The following PCSK1 variants were observed in gnomAD, a reference collection of about 807,000 sequenced individuals.
PCSK1 encodes the protein proprotein convertase subtilisin/kexin type 1.
In PCSK1, 56 loss-of-function variants were observed where a neutral mutation model predicts 90.6. That is an observed-to-expected ratio of 0.62 (90% CI 0.50 to 0.77). PCSK1 has a LOEUF of 0.77. Among genes scored for constraint, PCSK1 ranks in the 30% least tolerant of loss-of-function variants. The probability of loss-of-function intolerance (pLI) is 0.00; values close to 1 mark genes in which losing one functional copy is unlikely to be tolerated. For synonymous variants in PCSK1, 348 were observed against 342.4 expected (o/e 1.02, Z -0.18); for missense variants, 801 against 932.6 (o/e 0.86, Z 1.84).
intron 7 of PCSK1, 63 bp from the exon 8 acceptor site, chr5:96,411,049 A>C: frequency 8.7e-7 from 1 of 1,151,966 alleles, no homozygotes; most frequent in East Asian, 2.3e-5. Flanking sequence ...GTTATATCCC[A>C]ATAAAATCCC....
At chr5:96,426,267 T>G (rs1761304782) in intron 2 of PCSK1, among the ~76,000 whole-genome samples, 2 of 152,190 alleles carry the variant, frequency 1.3e-5, no homozygotes. Flanking sequence ...TATATTGAGG[T>G]TTCAGGGCTC....
rs746859308 is a variant in PCSK1, at chr5:96,397,367, A to G, written c.1691T>C (p.Ile564Thr). Residue 564 changes from isoleucine to threonine, a missense_variant, in exon 12 of 14, where the codon ATA becomes ACA. Transcript: ENST00000311106. ...MSVHTWGENPIGTWTLRITDM... is the reference protein window; with the variant it reads ...MSVHTWGENPTGTWTLRITDM... ...TGTAATTCTCAAAGTCCAAGTACCT[A>G]TAGGGTTCTCTCCCCATGTGTGAAC... is the stretch of plus-strand genomic sequence containing the variant. The G allele has an allele frequency of 1.2e-5, 20 of 1,612,770 alleles. No homozygotes were observed. Among genetic ancestry groups the G allele is most frequent in the Non-Finnish European group, 1.4e-5 (17 of 1,178,790 alleles).
Position 96,429,292 on chromosome 5 carries a change from AAGT to A in PCSK1, c.203_205del (p.Tyr68del). 4.4e-6 allele frequency: 7 copies of A among 1,590,424 alleles called. No homozygotes were observed. The highest frequency in any genetic ancestry group is 6.0e-6 in the Non-Finnish European group (7 of 1,158,676). ...TCTGGGGTGGTTTTTATGTTTGAATAAGTAGTGATTTTCAAGTGAACCAATCTA... is the reference window on the plus strand; with the variant it reads ...TCTGGGGTGGTTTTTATGTTTGAATAAGTGATTTTCAAGTGAACCAATCTA... On this transcript the variant is annotated inframe_deletion, in exon 2 of 14. Transcript: ENST00000311106.
intron 9 of PCSK1, among the ~76,000 whole-genome samples, chr5:96,407,322 A>G (rs1317966707): frequency 6.6e-6 from 1 of 152,250 alleles, no homozygotes; most frequent in Admixed American, 6.5e-5. Context: ...GCAACCCCAG[A>G]AGACAAAGAG....
intron 8 of PCSK1, among the ~76,000 whole-genome samples, chr5:96,409,389 C>T (rs754094249): frequency 1.1e-4 from 16 of 152,216 alleles, no homozygotes; most frequent in Non-Finnish European, 2.2e-4. Context: ...GCTGCGGAAG[C>T]AAGGTTGCCC....
chr5:96,422,532 G>A (rs762970493), intron 4 of PCSK1, among the ~76,000 whole-genome samples: 3 of 152,070 alleles, frequency 2.0e-5, no homozygotes, highest in Non-Finnish European at 2.9e-5. Context: ...ACACTTAAAC[G>A]CCTCCCGCAT....
chr5:96,393,435 A>G, intron 13 of PCSK1, 57 bp from the exon 14 acceptor site: 2 of 1,601,610 alleles, frequency 1.2e-6, no homozygotes, highest in Non-Finnish European at 1.7e-6. Flanking sequence ...ATGGCCAGGC[A>G]AGCTAGTTGC....
chr5:96,430,159 G>A (rs1404957571), intron 1 of PCSK1, among the ~76,000 whole-genome samples: 2 of 152,112 alleles, frequency 1.3e-5, no homozygotes, highest in Non-Finnish European at 2.9e-5. Context: ...CTACATTTAG[G>A]GCAGTTGTCC....
At chr5:96,398,850 A>G in intron 11 of PCSK1, 29 bp downstream of exon 11, 1 of 1,580,310 alleles carries the variant, frequency 6.3e-7, no homozygotes, top group Non-Finnish European at 8.7e-7. Context: ...ACTTAAAAAT[A>G]TAAATGGCTT....
intron 2 of PCSK1, among the ~76,000 whole-genome samples, chr5:96,427,197 A>G (rs1330758588): frequency 6.6e-6 from 1 of 152,238 alleles, no homozygotes; most frequent in Admixed American, 6.5e-5. Flanking sequence ...GAGCAATAAA[A>G]TGAAAACCAA....
At chr5:96,426,980 A>C (rs1020228044) in intron 2 of PCSK1, among the ~76,000 whole-genome samples, 1 of 152,318 alleles carries the variant, frequency 6.6e-6, no homozygotes, top group Admixed American at 6.5e-5. Flanking sequence ...TTTCAAGCTT[A>C]ATTGTTTTGG....
In PCSK1 at chr5:96,416,075, G is replaced by A; in HGVS notation, c.667C>T (p.His223Tyr). The part of the protein sequence containing the change: ...AGEIAMQANN[H>Y]KCGVGVAYNS... ...TATGCAACTCCAACCCCGCATTTGT[G>A]ATTATTTGCTTGCATGGCAATTTCT... The change falls in exon 6 of 14, where the codon CAC becomes TAC. Residue 223 changes from histidine (H) to tyrosine (Y), a missense_variant. His to Tyr is a moderately conservative substitution (Grantham distance 83). Coordinates refer to ENST00000311106, the MANE Select transcript of PCSK1 (RefSeq NM_000439.5). 6 of 1,613,270 alleles carry A rather than the reference G, an allele frequency of 3.7e-6. No individual in the cohort carries two copies. The highest frequency in any genetic ancestry group is 5.1e-6 in the Non-Finnish European group (6 of 1,179,238).
chr5:96,416,986 G>A (rs192670613), intron 5 of PCSK1, among the ~76,000 whole-genome samples: 18 of 152,252 alleles, frequency 1.2e-4, no homozygotes, highest in African/African-American at 4.1e-4. Flanking sequence ...CATTTATTTC[G>A]TGATTTTATT....
At chr5:96,398,620 A>T (rs757798333) in intron 11 of PCSK1, among the ~76,000 whole-genome samples, 6 of 152,236 alleles carry the variant, frequency 3.9e-5, no homozygotes, top group Non-Finnish European at 7.4e-5. Context: ...AAACAGTTTG[A>T]AAATGCATGA....
intron 2 of PCSK1, 82 bp downstream of exon 2, chr5:96,429,131 A>G: frequency 1.3e-6 from 1 of 779,950 alleles, no homozygotes; most frequent in Non-Finnish European, 2.2e-6. Context: ...CACATTTGCA[A>G]AATGCTTCTG....
intron 7 of PCSK1, among the ~76,000 whole-genome samples, chr5:96,412,043 T>C (rs1204879197): frequency 3.3e-5 from 5 of 152,208 alleles, no homozygotes; most frequent in African/African-American, 1.2e-4. Flanking sequence ...GTGTTTTTAG[T>C]AGAGGTGGGG....
At position 96,428,882 on chromosome 5, in the gene PCSK1, C is replaced by T. The variant is rs143327812; in HGVS notation, c.285+331G>A. On this transcript the variant is annotated intron_variant, in intron 2 of 13. Transcript: ENST00000311106. The stretch of plus-strand genomic sequence containing the variant: ...GTATTGTCAAACATTTTTATTAGTG[C>T]TGCCCTCTCATTTTAAATATTCACT... 3.5e-3 allele frequency among the ~76,000 whole-genome samples: 534 copies of T among 152,148 alleles called. 1 individual carries two copies. Among genetic ancestry groups the T allele is most frequent in the African/African-American group, 0.012 (498 of 41,550 alleles).
chr5:96,425,044 GAAAGAAAGAA>G (rs1190586143), intron 3 of PCSK1, among the ~76,000 whole-genome samples: 2 of 127,070 alleles, frequency 1.6e-5, no homozygotes, highest in South Asian at 2.9e-4. Context: ...AAGAAAGAAA[GAAAGAAAGAA>G]AGAAAGAAAG....
At chr5:96,401,471 C>T (rs1486714108) in intron 9 of PCSK1, among the ~76,000 whole-genome samples, 1 of 152,148 alleles carries the variant, frequency 6.6e-6, no homozygotes, top group East Asian at 1.9e-4. Context: ...ATCTTTTGGG[C>T]AGTGGGAATC....
Sources: allele counts gnomAD v4.1 joint callset (sites outside exome capture counted in the v4.1 genomes callset), GRCh38; gene constraint gnomAD v4.1.1; transcripts MANE v1.5; gene names NCBI Gene and HGNC (gene_info 2026-07-23, HGNC 2026-07-21).